The following PLXNC1 variants were observed in gnomAD, a reference collection of about 807,000 sequenced individuals.
The protein encoded by PLXNC1 is plexin-C1.
In PLXNC1, 75 loss-of-function variants were observed where a neutral mutation model predicts 178.2. The ratio of observed to expected loss-of-function variants is 0.42; its 90% confidence interval spans 0.35 to 0.51. PLXNC1 has a LOEUF of 0.51. PLXNC1 is among the 20% of genes least tolerant of loss of function. PLXNC1 has a pLI of 0.02. For missense variants in PLXNC1, 1,503 were observed against 1,984.4 expected (o/e 0.76, Z 4.61); for synonymous variants, 790 against 779.9 (o/e 1.01, Z -0.22).
At position 94,255,205 on chromosome 12, in the gene PLXNC1, T is replaced by C; in HGVS notation, c.2996T>C (p.Leu999Pro). Residue 999 changes from leucine to proline, a missense_variant, in exon 17 of 31, where the codon CTG (leucine) becomes CCG (proline). By Grantham distance (98) the Leu-to-Pro change is moderately conservative. Around this residue, in one of 4 missense-constraint regions of PLXNC1, gnomAD observed 639 missense variants for 979.7 expected, o/e 0.65. Coordinates refer to ENST00000258526, the MANE Select transcript of PLXNC1 (RefSeq NM_005761.3). ...TTCTGTTTTGCAGGCTTTGCTGAGCTGCAGATGGATAAATTGGATGTGGTT... is the reference window on the plus strand; with the variant it reads ...TTCTGTTTTGCAGGCTTTGCTGAGCCGCAGATGGATAAATTGGATGTGGTT... ...RKEIRDGFAELQMDKLDVVDS... is the reference protein window; with the variant it reads ...RKEIRDGFAEPQMDKLDVVDS... The C allele has an allele frequency of 6.2e-7, 1 of 1,613,446 alleles. No individual in the cohort carries two copies. The highest frequency in any genetic ancestry group is 8.5e-7 in the Non-Finnish European group (1 of 1,179,296).
chr12:94,204,020 A>G (rs756522327), intron 4 of PLXNC1, among the ~76,000 whole-genome samples: 3 of 152,202 alleles, frequency 2.0e-5, no homozygotes, highest in Non-Finnish European at 2.9e-5. Context: ...CCATGGGATG[A>G]TTCAGCAATA....
chr12:94,158,911 C>G (rs569791298), intron 1 of PLXNC1, among the ~76,000 whole-genome samples: 10 of 152,280 alleles, frequency 6.6e-5, no homozygotes, highest in African/African-American at 2.4e-4. Flanking sequence ...GAGGCATCTC[C>G]AAGGAACTTC....
At chr12:94,243,844 T>A in intron 11 of PLXNC1, 94 bp from the exon 12 acceptor site, 1 of 577,856 alleles carries the variant, frequency 1.7e-6, no homozygotes, top group Non-Finnish European at 3.2e-6. Flanking sequence ...TTGGGTTTAA[T>A]ATTAAACATG....
chr12:94,211,437 A>G (rs1963465770), intron 5 of PLXNC1, among the ~76,000 whole-genome samples: 1 of 152,184 alleles, frequency 6.6e-6, no homozygotes, highest in African/African-American at 2.4e-5. Context: ...CCCTATTGCC[A>G]CCTTTGGCTT....
intron 9 of PLXNC1, among the ~76,000 whole-genome samples, chr12:94,231,894 A>T (rs1051439711): frequency 6.6e-6 from 1 of 152,164 alleles, no homozygotes; most frequent in Non-Finnish European, 1.5e-5. Flanking sequence ...GACCAGAGAT[A>T]GTTCCCCTCT....
intron 11 of PLXNC1, among the ~76,000 whole-genome samples, chr12:94,241,969 AG>A (rs1964398791): frequency 6.9e-6 from 1 of 145,548 alleles, no homozygotes; most frequent in South Asian, 2.1e-4. Flanking sequence ...ACAGACAAAA[AG>A]CTTTGTTAAA....
At chr12:94,235,004 T>A (rs1384145770) in intron 9 of PLXNC1, among the ~76,000 whole-genome samples, 1 of 152,214 alleles carries the variant, frequency 6.6e-6, no homozygotes, top group Non-Finnish European at 1.5e-5. Flanking sequence ...AAATGTTGTT[T>A]TATACCTGCA....
intron 23 of PLXNC1, among the ~76,000 whole-genome samples, chr12:94,290,635 G>T (rs990316356): frequency 1.3e-5 from 2 of 152,226 alleles, no homozygotes; most frequent in African/African-American, 4.8e-5. Context: ...CTTGCTCTGT[G>T]TTCCTCCCTG....
At chr12:94,247,230 T>G (rs141550264) in intron 12 of PLXNC1, among the ~76,000 whole-genome samples, 26 of 152,306 alleles carry the variant, frequency 1.7e-4, no homozygotes, top group South Asian at 4.1e-4. Context: ...TGTTGTTGTT[T>G]TTTTTTAATC....
At chr12:94,296,934 T>TC (rs1838520231) in intron 24 of PLXNC1, among the ~76,000 whole-genome samples, 1 of 152,082 alleles carries the variant, frequency 6.6e-6, no homozygotes, top group South Asian at 2.1e-4. Context: ...GGCTTGAGCC[T>TC]CTCCTACCAG....
At chr12:94,266,771 A>T (rs923066032) in intron 21 of PLXNC1, among the ~76,000 whole-genome samples, 3 of 152,256 alleles carry the variant, frequency 2.0e-5, no homozygotes, top group African/African-American at 7.2e-5. Flanking sequence ...TTTGAGGATT[A>T]AGAGTCAGTA....
chr12:94,209,546 T>A, intron 4 of PLXNC1, 44 bp from the exon 5 acceptor site: 4 of 1,159,752 alleles, frequency 3.4e-6, no homozygotes, highest in Non-Finnish European at 5.2e-6. Context: ...CTGTTTTAAC[T>A]AACACACGTA....
chr12:94,286,262 T>G (rs1664760449), intron 23 of PLXNC1, among the ~76,000 whole-genome samples: 1 of 152,142 alleles, frequency 6.6e-6, no homozygotes, highest in Non-Finnish European at 1.5e-5. Context: ...TTTAAAAAGC[T>G]AAGCCATAAG....
chr12:94,271,638 G>A (rs1344890939), intron 21 of PLXNC1, among the ~76,000 whole-genome samples: 1 of 152,224 alleles, frequency 6.6e-6, no homozygotes, highest in Non-Finnish European at 1.5e-5. Flanking sequence ...TCTGTAAACA[G>A]GCAATGACCA....
chr12:94,220,239 A>G, intron 6 of PLXNC1, 76 bp downstream of exon 6: 1 of 1,427,902 alleles, frequency 7.0e-7, no homozygotes, highest in Non-Finnish European at 9.7e-7. Flanking sequence ...AGTTTGCCCA[A>G]GGAATATGAA....
chr12:94,187,116 T>G (rs1359364389), intron 4 of PLXNC1, among the ~76,000 whole-genome samples: 5 of 150,124 alleles, frequency 3.3e-5, no homozygotes, highest in Non-Finnish European at 7.4e-5. Flanking sequence ...AACCCAGTAC[T>G]GGGGCTCTTG....
In PLXNC1 at chr12:94,226,654, A is replaced by G. The variant is rs757499212; in HGVS notation, c.1840A>G (p.Arg614Gly). Residue 614 changes from arginine (R) to glycine (G), a missense_variant, in exon 8 of 31, where the codon AGG becomes GGG. Arg to Gly is a moderately radical substitution (Grantham distance 125). Coordinates refer to ENST00000258526, the MANE Select transcript of PLXNC1 (RefSeq NM_005761.3). ...CTGCGCGTGGTGTAAAAGTGCAAGAAGGTGTATCCACCCCTTCACAGCTTG... is the reference window on the plus strand; with the variant it reads ...CTGCGCGTGGTGTAAAAGTGCAAGAGGGTGTATCCACCCCTTCACAGCTTG... The part of the protein sequence containing the change: ...TGCAWCKSAR[R>G]CIHPFTACDP... 1.2e-6 allele frequency: 2 copies of G among 1,613,878 alleles called. No homozygotes were observed. Among genetic ancestry groups the G allele is most frequent in the Non-Finnish European group, 1.7e-6 (2 of 1,179,864 alleles).
chr12:94,203,707 A>G (rs1432537389), intron 4 of PLXNC1, among the ~76,000 whole-genome samples: 2 of 152,166 alleles, frequency 1.3e-5, no homozygotes, highest in Non-Finnish European at 2.9e-5. Flanking sequence ...CACCTACTTC[A>G]TGGGCTGGTT....
chr12:94,285,551 G>A (rs1441015152), intron 23 of PLXNC1, among the ~76,000 whole-genome samples: 2 of 152,148 alleles, frequency 1.3e-5, no homozygotes, highest in South Asian at 4.1e-4. Context: ...AAGAGCAGTC[G>A]TTCTTAGCTT....
Sources: allele counts gnomAD v4.1 joint callset (sites outside exome capture counted in the v4.1 genomes callset), GRCh38; gene constraint gnomAD v4.1.1; regional missense constraint gnomAD v4.1.1; transcripts MANE v1.5; gene names NCBI Gene and HGNC (gene_info 2026-07-23, HGNC 2026-07-21).